AMD1: variants seen among roughly 807,000 people sequenced by gnomAD.
AMD1 encodes the protein S-adenosylmethionine decarboxylase proenzyme.
Under a neutral mutation model 40.2 loss-of-function variants are expected in AMD1, and 11 were observed. The ratio of observed to expected loss-of-function variants is 0.27; its 90% CI spans 0.17 to 0.45. AMD1 has a LOEUF of 0.45. Among genes scored for constraint, AMD1 ranks in the 20% least tolerant of loss-of-function variants. The pLI is 1.00. For missense variants in AMD1, 257 were observed against 410.2 expected (o/e 0.63, Z 3.23); for synonymous variants, 121 against 130.8 (o/e 0.93, Z 0.51).
chr6:110,887,745 G>A (rs1367971248), intron 2 of AMD1, among the ~76,000 whole-genome samples, 154 bp downstream of exon 2: 1 of 152,100 alleles, frequency 6.6e-6, no homozygotes, highest in Non-Finnish European at 1.5e-5. Context: ...GAGTGCAATG[G>A]CGCCATGTCA....
the AMD1 span, among the ~76,000 whole-genome samples, chr6:110,865,158 A>G: frequency 6.6e-6 from 1 of 152,228 alleles, no homozygotes; most frequent in Non-Finnish European, 1.5e-5. Context: ...TGTGAATGCA[A>G]TAGCTTTTGG....
chr6:110,851,342 T>G, the AMD1 span, among the ~76,000 whole-genome samples: 1 of 152,174 alleles, frequency 6.6e-6, no homozygotes, highest in African/African-American at 2.4e-5. Context: ...GCTCAAGCAA[T>G]CGCCCTGCCT....
chr6:110,832,459 A>G, the AMD1 span, among the ~76,000 whole-genome samples: 3 of 151,988 alleles, frequency 2.0e-5, no homozygotes, highest in South Asian at 4.1e-4. Context: ...CCTACATGCA[A>G]TTCTTCAATT....
intron 1 of AMD1, among the ~76,000 whole-genome samples, chr6:110,875,821 G>T (rs1285466347): frequency 2.0e-5 from 3 of 152,150 alleles, no homozygotes; most frequent in African/African-American, 7.2e-5. Context: ...GGATTGGGCG[G>T]GAGCAGTTAT....
At chr6:110,873,711 A>T (rs1442123720), upstream of AMD1, among the ~76,000 whole-genome samples, 2 of 151,994 alleles carry the variant, frequency 1.3e-5, no homozygotes, top group Non-Finnish European at 2.9e-5. Flanking sequence ...CTGTTTGACC[A>T]TGGCTTGACG....
At chr6:110,815,388 T>C in the AMD1 span, 8 of 344,222 alleles carry the variant, frequency 2.3e-5, no homozygotes, top group Admixed American at 5.1e-5. Flanking sequence ...GCACCCCCAG[T>C]CCCGCCTCCC....
At chr6:110,825,423 T>C in the AMD1 span, among the ~76,000 whole-genome samples, 1 of 152,232 alleles carries the variant, frequency 6.6e-6, no homozygotes, top group Non-Finnish European at 1.5e-5. Context: ...ATCCTCTTTG[T>C]CTTAAATCTT....
intron 8 of AMD1, 76 bp downstream of exon 8, chr6:110,893,141 G>C (rs1449996438): frequency 7.6e-7 from 1 of 1,308,920 alleles, no homozygotes; most frequent in Non-Finnish European, 1.0e-6. Flanking sequence ...TGAGGCCTAA[G>C]ATGTATTCTG....
the AMD1 span, among the ~76,000 whole-genome samples, chr6:110,850,695 T>C: frequency 1.3e-5 from 2 of 152,184 alleles, no homozygotes. Flanking sequence ...TAACACTGAA[T>C]TGGGCAAATT....
the AMD1 span, among the ~76,000 whole-genome samples, chr6:110,822,053 A>G: frequency 6.6e-6 from 1 of 152,150 alleles, no homozygotes; most frequent in African/African-American, 2.4e-5. Flanking sequence ...CAAAATCAAT[A>G]TTCCATTAGC....
intron 4 of AMD1, chr6:110,891,694 G>A (rs540817247): frequency 2.4e-5 from 4 of 169,522 alleles, no homozygotes; most frequent in South Asian, 1.4e-4. Flanking sequence ...CAAGTCAGTC[G>A]ATCCTGCTTA....
intron 1 of AMD1, 54 bp downstream of exon 1, chr6:110,875,269 C>G (rs1482188319): frequency 2.1e-6 from 3 of 1,403,894 alleles, no homozygotes; most frequent in Middle Eastern, 1.7e-4. Context: ...TCGCCGCCGC[C>G]GAGGCACCAG....
At chr6:110,874,345 C>A (rs943173586), upstream of AMD1, among the ~76,000 whole-genome samples, 2 of 152,228 alleles carry the variant, frequency 1.3e-5, no homozygotes, top group Non-Finnish European at 2.9e-5. Context: ...AGTACCTCAG[C>A]AGTCGCGGTG....
At chr6:110,885,137 A>T (rs533069709) in intron 1 of AMD1, among the ~76,000 whole-genome samples, 1 of 152,140 alleles carries the variant, frequency 6.6e-6, no homozygotes, top group South Asian at 2.1e-4. Flanking sequence ...TTTTTTTGAG[A>T]TGGAGATTCA....
chr6:110,842,356 A>G, the AMD1 span, among the ~76,000 whole-genome samples: 1 of 152,190 alleles, frequency 6.6e-6, no homozygotes, highest in Admixed American at 6.6e-5. Flanking sequence ...ATGACTATCT[A>G]TGCTGGGGAG....
the AMD1 span, among the ~76,000 whole-genome samples, chr6:110,822,364 A>G: frequency 1.3e-5 from 2 of 151,880 alleles, no homozygotes. Context: ...AATATACAAC[A>G]CTCCTAGTTT....
At chr6:110,815,284 C>G in the AMD1 span, 1 of 910,976 alleles carries the variant, frequency 1.1e-6, no homozygotes, top group Non-Finnish European at 1.5e-6. Flanking sequence ...GCTCCGCGGT[C>G]CGCCTTCAGC....
the AMD1 span, chr6:110,859,103 G>A: frequency 2.5e-5 from 33 of 1,343,192 alleles, no homozygotes; most frequent in Middle Eastern, 8.1e-4. Context: ...CTCGGGGGAG[G>A]TCCCTGAATA....
intron 1 of AMD1, among the ~76,000 whole-genome samples, chr6:110,883,662 G>A (rs1237599178): frequency 6.6e-6 from 1 of 152,246 alleles, no homozygotes. Flanking sequence ...CACGATCTCG[G>A]CTCACTGCAA....
Sources: allele counts gnomAD v4.1 joint callset (sites outside exome capture counted in the v4.1 genomes callset), GRCh38; gene constraint gnomAD v4.1.1; transcripts MANE v1.5; gene names NCBI Gene and HGNC (gene_info 2026-07-23, HGNC 2026-07-21).